SEMA3A: variants seen among roughly 807,000 people sequenced by gnomAD.
SEMA3A encodes semaphorin 3A, also known as semaphorin-3A.
A neutral mutation model predicts 97.9 loss-of-function variants in SEMA3A; 29 were observed. The observed-to-expected ratio is 0.30, with a 90% CI of 0.22 to 0.40. The LOEUF is 0.40. Ranked by LOEUF, SEMA3A falls within the 10% of genes least tolerant of loss-of-function variation. The pLI is 1.00. For missense variants in SEMA3A, 763 were observed against 951.3 expected, an observed-to-expected ratio of 0.80 and a Z score of 2.60; for synonymous variants, 321 against 323.7, an observed-to-expected ratio of 0.99 and a Z score of 0.09.
intron 3 of SEMA3A, among the ~76,000 whole-genome samples, chr7:84,298,981 A>G (rs1328148424): frequency 6.6e-6 from 1 of 152,036 alleles, no homozygotes; most frequent in Non-Finnish European, 1.5e-5. Context: ...CTTGAACATC[A>G]GACTCCAAGT....
intron 1 of SEMA3A, among the ~76,000 whole-genome samples, chr7:84,377,487 C>T (rs1170960575): frequency 6.6e-6 from 1 of 152,078 alleles, no homozygotes; most frequent in Admixed American, 6.5e-5. Flanking sequence ...CAGCACTATG[C>T]TGTTTGGGTT....
At chr7:84,266,416 G>A (rs1800004823) in intron 3 of SEMA3A, among the ~76,000 whole-genome samples, 1 of 151,784 alleles carries the variant, frequency 6.6e-6, no homozygotes, top group Non-Finnish European at 1.5e-5. Flanking sequence ...GGTGAGAATG[G>A]CTATAAGAGA....
chr7:84,003,823 A>T (rs1350287599), intron 11 of SEMA3A, among the ~76,000 whole-genome samples: 1 of 150,208 alleles, frequency 6.7e-6, no homozygotes, highest in East Asian at 2.0e-4. Context: ...TGTTCTAAGG[A>T]TATTTATAAC....
At chr7:84,438,663 G>A (rs2116335072) in intron 1 of SEMA3A, among the ~76,000 whole-genome samples, 1 of 152,062 alleles carries the variant, frequency 6.6e-6, no homozygotes, top group South Asian at 2.1e-4. Context: ...CATGATCTGA[G>A]TAAGGACAAG....
At chr7:84,407,009 C>T (rs2116235458) in intron 1 of SEMA3A, among the ~76,000 whole-genome samples, 1 of 152,288 alleles carries the variant, frequency 6.6e-6, no homozygotes, top group East Asian at 1.9e-4. Flanking sequence ...GATGCCCTCT[C>T]TCACCACTCC....
chr7:84,473,961 T>A (rs2116416365), intron 1 of SEMA3A, among the ~76,000 whole-genome samples: 1 of 152,316 alleles, frequency 6.6e-6, no homozygotes, highest in East Asian at 1.9e-4. Context: ...TAAGTCAGGA[T>A]CTTGTTGAAG....
At chr7:84,303,439 AGACT>A (rs1801074340) in intron 3 of SEMA3A, among the ~76,000 whole-genome samples, 1 of 152,192 alleles carries the variant, frequency 6.6e-6, no homozygotes, top group African/African-American at 2.4e-5. Context: ...GTTAGAAAAC[AGACT>A]GAGATATAAA....
chr7:84,056,299 A>G (rs1189551394), intron 5 of SEMA3A, among the ~76,000 whole-genome samples: 1 of 152,210 alleles, frequency 6.6e-6, no homozygotes, highest in African/African-American at 2.4e-5. Flanking sequence ...AAGTTCATAT[A>G]TACTCTAGAC....
chr7:84,042,918 A>C (rs555719340), intron 6 of SEMA3A, among the ~76,000 whole-genome samples: 1 of 152,244 alleles, frequency 6.6e-6, no homozygotes, highest in Admixed American at 6.5e-5. Context: ...TTATGATAAC[A>C]GCAGCATAAA....
chr7:84,399,795 G>A (rs2116205238), intron 1 of SEMA3A, among the ~76,000 whole-genome samples: 1 of 152,260 alleles, frequency 6.6e-6, no homozygotes, highest in South Asian at 2.1e-4. Flanking sequence ...GCAGCCATGG[G>A]CCTTTGGCAA....
Position 84,423,440 on chromosome 7 carries a change from A to G in SEMA3A, c.-245-51540T>C, listed in dbSNP as rs879461717. ...CAGCAAAAACTCAGTCACTGCACAT[A>G]ACCTGGAGGGTCCTCCCTCACGTAT... On this transcript the variant is annotated intron_variant, in intron 1 of 3. Coordinates refer to the SEMA3A transcript ENST00000424555. 1.4e-4 allele frequency among the ~76,000 whole-genome samples: 22 copies of G among 152,054 alleles called. 1 individual carries two copies. Among genetic ancestry groups the G allele is most frequent in the Non-Finnish European group, 1.3e-4 (9 of 67,978 alleles).
At chr7:84,230,326 C>T (rs544760874) in intron 3 of SEMA3A, among the ~76,000 whole-genome samples, 118 of 151,974 alleles carry the variant, frequency 7.8e-4, no homozygotes, top group Non-Finnish European at 9.4e-4. Context: ...TCAACTATGG[C>T]GTATATTCTG....
Position 83,956,664 on chromosome 7 carries a change from A to G in SEMA3A, c.*4707T>C, listed in dbSNP as rs928887340. 2 of 152,142 alleles carry G rather than the reference A, an allele frequency of 1.3e-5. No homozygotes were observed. The highest frequency in any genetic ancestry group is 2.9e-5 in the Non-Finnish European group (2 of 68,000). 9.4% of individuals were successfully genotyped at this position (152,142 alleles called of 1,614,324 possible). ...AGGGCAATAAATCAAAACCCAGGAA[A>G]AAGCAAATGCACCATTTTGACTCAT... On this transcript the variant is annotated 3_prime_UTR_variant, in exon 17 of 17. Coordinates refer to ENST00000265362, the MANE Select transcript of SEMA3A (RefSeq NM_006080.3).
intron 1 of SEMA3A, among the ~76,000 whole-genome samples, chr7:84,179,850 CT>C (rs1797684327): frequency 6.7e-6 from 1 of 150,042 alleles, no homozygotes; most frequent in African/African-American, 2.5e-5. Flanking sequence ...CCCCGGACCC[CT>C]ATACCAAATT....
At chr7:84,361,959 T>C (rs896266707) in intron 2 of SEMA3A, among the ~76,000 whole-genome samples, 1 of 152,004 alleles carries the variant, frequency 6.6e-6, no homozygotes, top group African/African-American at 2.4e-5. Flanking sequence ...TGAAAACAGA[T>C]TATAGCTTTC....
At chr7:83,983,117 T>C (rs911752225) in intron 13 of SEMA3A, among the ~76,000 whole-genome samples, 2 of 152,096 alleles carry the variant, frequency 1.3e-5, no homozygotes, top group Non-Finnish European at 2.9e-5. Flanking sequence ...CCAGGACAAA[T>C]TAAGAAATGA....
At chr7:84,191,089 G>A (rs1206611931) in intron 1 of SEMA3A, among the ~76,000 whole-genome samples, 1 of 150,656 alleles carries the variant, frequency 6.6e-6, no homozygotes, top group Non-Finnish European at 1.5e-5. Context: ...GTAATTTATT[G>A]AACAAAAGGT....
At chr7:84,260,338 A>G (rs1799819188) in intron 3 of SEMA3A, among the ~76,000 whole-genome samples, 1 of 152,078 alleles carries the variant, frequency 6.6e-6, no homozygotes, top group Non-Finnish European at 1.5e-5. Flanking sequence ...CAGCTGCAGG[A>G]GGAGAGGTGC....
intron 1 of SEMA3A, among the ~76,000 whole-genome samples, chr7:84,445,201 C>A (rs1805378028): frequency 6.6e-6 from 1 of 151,696 alleles, no homozygotes; most frequent in Admixed American, 6.6e-5. Context: ...TATTAGAAAT[C>A]AATAATGAGG....
Sources: gnomAD v4.1 joint callset for allele counts (sites outside exome capture counted in the v4.1 genomes callset) on GRCh38, gnomAD v4.1.1 for gene constraint, MANE v1.5 for transcripts, NCBI Gene and HGNC (gene_info 2026-07-23, HGNC 2026-07-21) for gene names.